ATP2A3: variants seen among roughly 807,000 people sequenced by gnomAD.
The protein encoded by ATP2A3 is sarcoplasmic/endoplasmic reticulum calcium ATPase 3.
A neutral mutation model predicts 106.8 loss-of-function variants in ATP2A3; 61 were observed. The ratio of observed to expected loss-of-function variants is 0.57; its 90% CI spans 0.46 to 0.71. The LOEUF is 0.71. Among genes scored for constraint, ATP2A3 ranks in the 30% least tolerant of loss-of-function variants. The pLI is 0.00. For synonymous variants in ATP2A3, 611 were observed against 609.3 expected, an observed-to-expected ratio of 1.00 and a Z score of -0.04; for missense variants, 1,201 against 1,423.5, an observed-to-expected ratio of 0.84 and a Z score of 2.52.
chr17:3,939,991 G>A (rs910466793), intron 14 of ATP2A3, among the ~76,000 whole-genome samples: 15 of 148,348 alleles, frequency 1.0e-4, no homozygotes, highest in African/African-American at 3.7e-4. Flanking sequence ...TGGGGAAGGC[G>A]TGTGACGGAA....
chr17:3,925,402 C>T lies in ATP2A3; in HGVS notation c.*20G>A. 6.2e-7 allele frequency: 1 copy of T among 1,613,930 alleles called. No individual in the cohort carries two copies. Among genetic ancestry groups the T allele is most frequent in the Non-Finnish European group, 8.5e-7 (1 of 1,179,932 alleles). ...ATCAGTCTGAGGTACACACCGGAGA[C>T]TCCACTCTGTTCCCAGCGCTCACTT... is the stretch of plus-strand genomic sequence containing the variant. On this transcript the variant is annotated 3_prime_UTR_variant, in exon 21 of 21. Coordinates refer to ENST00000397041, the MANE Select transcript of ATP2A3 (RefSeq NM_005173.4). The surrounding 1 kb of genome is among the most constrained non-coding windows in gnomAD (Gnocchi z 4.2).
At chr17:3,962,143 A>T (rs2055175479) in intron 1 of ATP2A3, among the ~76,000 whole-genome samples, 1 of 152,170 alleles carries the variant, frequency 6.6e-6, no homozygotes, top group East Asian at 1.9e-4. Flanking sequence ...CGGCTGACCC[A>T]AACTCCTAGC....
chr17:3,954,833 T>A (rs1430466967), intron 1 of ATP2A3, among the ~76,000 whole-genome samples: 3 of 152,186 alleles, frequency 2.0e-5, no homozygotes, highest in African/African-American at 4.8e-5. Flanking sequence ...CCGAAGCACC[T>A]TTTGTATCAG....
At chr17:3,933,053 G>C (rs200914305) in intron 17 of ATP2A3, among the ~76,000 whole-genome samples, 1 of 151,604 alleles carries the variant, frequency 6.6e-6, no homozygotes, top group African/African-American at 2.4e-5. Flanking sequence ...AGGCCAAGGC[G>C]GGCAGATCAC....
Position 3,940,980 on chromosome 17 carries a change from GA to G in ATP2A3, c.2090del (p.Ile697ThrfsTer4). The G allele has an allele frequency of 6.2e-7, 1 of 1,613,966 alleles. No individual in the cohort carries two copies. Among genetic ancestry groups the G allele is most frequent in the Non-Finnish European group, 8.5e-7 (1 of 1,179,852 alleles). On this transcript the variant is annotated frameshift_variant, in exon 14 of 21. Transcript: ENST00000397041. LOFTEE classifies it high-confidence loss of function. ...CAGGCTGTGGCCTCACCATAGCAGT[GA>G]TCTCGTTAAAGGACTGCAGGTTCTC... Reference protein sequence around the residue: ...IVENLQSFNEITAMTGDGVND... With the variant: ...IVENLQSFNEXTAMTGDGVND...
chr17:3,934,597 C>T (rs866587455), intron 17 of ATP2A3, among the ~76,000 whole-genome samples: 2 of 147,768 alleles, frequency 1.4e-5, no homozygotes, highest in Non-Finnish European at 3.0e-5. Flanking sequence ...GATCTTGGCA[C>T]ACTGCAACCG....
Position 3,932,902 on chromosome 17 carries a change from T to A in ATP2A3, c.2610+2290A>T, listed in dbSNP as rs545882857. 1.1e-3 allele frequency among the ~76,000 whole-genome samples: 162 copies of A among 151,776 alleles called. 2 individuals are homozygous for A. The highest frequency in any genetic ancestry group is 2.5e-3 in the Admixed American group (38 of 15,286). ...CTATCCATACATGTACACACAAACA[T>A]AGGGACACACACCTCCCACTCGGGC... On this transcript the variant is annotated intron_variant, in intron 17 of 20. Coordinates refer to ENST00000397041, the MANE Select transcript of ATP2A3 (RefSeq NM_005173.4).
At chr17:3,957,444 G>A (rs57230630) in intron 1 of ATP2A3, among the ~76,000 whole-genome samples, 85 of 152,294 alleles carry the variant, frequency 5.6e-4, no homozygotes, top group East Asian at 1.7e-3. Context: ...TGTCCTGACC[G>A]TTGGGCTGGA....
At chr17:3,927,930 C>T in intron 20 of ATP2A3, 1 of 1,610,466 alleles carries the variant, frequency 6.2e-7, no homozygotes, top group Non-Finnish European at 8.5e-7. Flanking sequence ...GCACAGCAGT[C>T]CAGCCATACG....
At chr17:3,944,650 G>A in intron 10 of ATP2A3, 54 bp downstream of exon 10, 1 of 1,566,392 alleles carries the variant, frequency 6.4e-7, no homozygotes, top group Non-Finnish European at 8.7e-7. Flanking sequence ...TGGGAAAAGG[G>A]TCTGTCCTGG....
chr17:3,960,257 C>T (rs2055063384), intron 1 of ATP2A3, among the ~76,000 whole-genome samples: 1 of 152,246 alleles, frequency 6.6e-6, no homozygotes, highest in Non-Finnish European at 1.5e-5. Context: ...GTGGGCTACG[C>T]ATATGGGTTG....
chr17:3,925,736 G>GT lies in ATP2A3; in HGVS notation c.2981-296dup, dbSNP rs1362969163. Among the ~76,000 whole-genome samples, 1 of 151,512 alleles carries GT rather than the reference G, an allele frequency of 6.6e-6. No individual in the cohort carries two copies. The highest frequency in any genetic ancestry group is 2.0e-4 in the East Asian group (1 of 5,112). On this transcript the variant is annotated intron_variant, in intron 20 of 20. Coordinates refer to ENST00000397041, the MANE Select transcript of ATP2A3 (RefSeq NM_005173.4). The surrounding 1 kb of genome is among the most constrained non-coding windows in gnomAD (Gnocchi z 4.2). ...TTTTGGGGAATCACCACCCATTATC[G>GT]TAAGGTTCAGACACCAGGCTCATCC...
Position 3,955,398 on chromosome 17 carries a change from T to C in ATP2A3, c.119-1688A>G, listed in dbSNP as rs2058561619. Reference sequence around the variant, plus strand: ...TGTAGGAATCCAGGAGGGAAATATATAGCCTAAAAATACACTTTCTAGCAT... The same window carrying C: ...TGTAGGAATCCAGGAGGGAAATATACAGCCTAAAAATACACTTTCTAGCAT... On this transcript the variant is annotated intron_variant, in intron 1 of 20. Transcript: ENST00000397041. The surrounding 1 kb of genome is among the most constrained non-coding windows in gnomAD (Gnocchi z 4.2). Among the ~76,000 whole-genome samples the C allele has an allele frequency of 1.3e-5, 2 of 152,244 alleles. No individual in the cohort carries two copies. The highest frequency in any genetic ancestry group is 2.9e-5 in the Non-Finnish European group (2 of 68,040).
intron 14 of ATP2A3, among the ~76,000 whole-genome samples, chr17:3,939,036 G>A (rs974047932): frequency 2.6e-5 from 4 of 152,104 alleles, no homozygotes; most frequent in African/African-American, 9.7e-5. Flanking sequence ...GCATGGTGGT[G>A]CATGCCTGTA....
rs756665676 is a variant in ATP2A3, at chr17:3,951,634, G to A, written c.271C>T (p.Pro91Ser). The change falls in exon 4 of 21, where the codon CCC (proline) becomes TCC (serine). Residue 91 changes from proline to serine, a missense_variant. Physicochemically the swap from Pro to Ser is moderately conservative, Grantham distance 74. Coordinates refer to ENST00000397041, the MANE Select transcript of ATP2A3 (RefSeq NM_005173.4). ...ACGAGGATCAGCATGATGACCAGGGGCTCCACGAAGGCGGTCGTGGTCTCC... is the reference window on the plus strand; with the variant it reads ...ACGAGGATCAGCATGATGACCAGGGACTCCACGAAGGCGGTCGTGGTCTCC... Reference protein sequence around the residue: ...GEETTTAFVEPLVIMLILVAN... With the variant: ...GEETTTAFVESLVIMLILVAN... The A allele has an allele frequency of 1.9e-6, 3 of 1,611,812 alleles. No homozygotes were observed. The highest frequency in any genetic ancestry group is 8.5e-7 in the Non-Finnish European group (1 of 1,179,546).
chr17:3,940,930 C>G (rs1402125882), intron 14 of ATP2A3, 41 bp downstream of exon 14: 3 of 1,610,942 alleles, frequency 1.9e-6, no homozygotes, highest in Non-Finnish European at 2.5e-6. Flanking sequence ...CCCGTGGCCC[C>G]ACTCATCACC....
chr17:3,951,551 C>CT, intron 4 of ATP2A3, 30 bp downstream of exon 4: 1 of 1,341,322 alleles, frequency 7.5e-7, no homozygotes, highest in Non-Finnish European at 1.0e-6. Flanking sequence ...AGACCGCCCC[C>CT]CGCCCGGTCC....
chr17:3,943,820 A>G (rs943743262), intron 10 of ATP2A3, among the ~76,000 whole-genome samples: 3 of 150,592 alleles, frequency 2.0e-5, no homozygotes, highest in African/African-American at 7.4e-5. Context: ...GCCCGCTTCC[A>G]CCCTCCCACC....
intron 9 of ATP2A3, 96 bp downstream of exon 9, chr17:3,944,964 C>A: frequency 1.5e-6 from 2 of 1,317,740 alleles, no homozygotes; most frequent in Non-Finnish European, 2.0e-6. Flanking sequence ...CGCCTCCTGG[C>A]CCGCCCCCAG....
Sources: allele counts gnomAD v4.1 joint callset (sites outside exome capture counted in the v4.1 genomes callset), GRCh38; gene constraint gnomAD v4.1.1; non-coding constraint Gnocchi (gnomAD v3.1); transcripts MANE v1.5; gene names NCBI Gene and HGNC (gene_info 2026-07-23, HGNC 2026-07-21).